Variants in CLIP4 observed in about 807,000 individuals in gnomAD.
CLIP4 encodes the protein CAP-Gly domain-containing linker protein 4.
A neutral mutation model predicts 73.1 loss-of-function variants in CLIP4; 47 were observed. The observed-to-expected ratio is 0.64, with a 90% confidence interval of 0.51 to 0.82. The LOEUF is 0.82. CLIP4 is among the 40% of genes least tolerant of loss of function. The pLI is 0.00. For missense variants in CLIP4, 874 were observed against 852.9 expected, an observed-to-expected ratio of 1.02 and a Z score of -0.31; for synonymous variants, 306 against 295.4, an observed-to-expected ratio of 1.04 and a Z score of -0.37.
At chr2:29,110,734 G>C (rs1054420173), upstream of CLIP4, among the ~76,000 whole-genome samples, 2 of 152,086 alleles carry the variant, frequency 1.3e-5, no homozygotes, top group Non-Finnish European at 2.9e-5. Flanking sequence ...TGTCCCCTAG[G>C]CTGGAGTGCA....
intron 6 of CLIP4, among the ~76,000 whole-genome samples, chr2:29,138,447 C>A (rs1455810104): frequency 6.8e-6 from 1 of 147,298 alleles, no homozygotes; most frequent in African/African-American, 2.5e-5. Flanking sequence ...ATGCCTCTGG[C>A]TTCTGTTCTT....
Position 29,167,379 on chromosome 2 carries a change from T to C in CLIP4, c.1659-97T>C, listed in dbSNP as rs535034811. 2.5e-3 allele frequency: 1,696 copies of C among 682,454 alleles called. 1 individual carries two copies. The highest frequency in any genetic ancestry group is 3.3e-3 in the Non-Finnish European group (1,371 of 419,656). The allele number at this position is 682,454 out of a possible 1,614,324, so 42.3% of individuals were successfully genotyped here. ...GGACCCTCCATAAATATTTGTCTGATGAATGACTACAATTGGTGTGAAAAA... is the reference window on the plus strand; with the variant it reads ...GGACCCTCCATAAATATTTGTCTGACGAATGACTACAATTGGTGTGAAAAA... On this transcript the variant is annotated intron_variant, in intron 13 of 15. Transcript: ENST00000320081.
chr2:29,116,329 C>T (rs188405133), intron 1 of CLIP4, among the ~76,000 whole-genome samples: 24 of 152,330 alleles, frequency 1.6e-4, no homozygotes, highest in Admixed American at 6.5e-4. Flanking sequence ...TGTGCTGAGA[C>T]AGTGTTTTGA....
chr2:29,099,225 T>C (rs771396037), intron 1 of CLIP4, among the ~76,000 whole-genome samples: 2 of 152,230 alleles, frequency 1.3e-5, no homozygotes, highest in Non-Finnish European at 2.9e-5. Context: ...TTGTCAGTTT[T>C]TTCTTTCATT....
At chr2:29,111,634 T>G (rs1668389053), upstream of CLIP4, among the ~76,000 whole-genome samples, 1 of 152,248 alleles carries the variant, frequency 6.6e-6, no homozygotes, top group Admixed American at 6.5e-5. Flanking sequence ...TATTTTATAT[T>G]GACTTCCTTT....
chr2:29,145,671 G>T (rs933825750), intron 8 of CLIP4, among the ~76,000 whole-genome samples: 1 of 152,086 alleles, frequency 6.6e-6, no homozygotes, highest in Non-Finnish European at 1.5e-5. Context: ...TAGATCAGGC[G>T]CAGCTTTCCA....
intron 2 of CLIP4, among the ~76,000 whole-genome samples, chr2:29,128,015 A>G (rs1664723502): frequency 6.6e-6 from 1 of 152,172 alleles, no homozygotes; most frequent in African/African-American, 2.4e-5. Context: ...CATTAATAAT[A>G]TAGTCATACA....
At chr2:29,140,475 A>G (rs1347647036) in intron 6 of CLIP4, among the ~76,000 whole-genome samples, 1 of 152,148 alleles carries the variant, frequency 6.6e-6, no homozygotes, top group East Asian at 1.9e-4. Flanking sequence ...AATCCAGTCT[A>G]TCATTGTCAG....
At chr2:29,164,011 AATAGAG>A in intron 13 of CLIP4, 57 bp downstream of exon 13, 2 of 1,399,258 alleles carry the variant, frequency 1.4e-6, no homozygotes, top group Non-Finnish European at 2.0e-6. Context: ...TGCAGTGGTT[AATAGAG>A]ACACTAATTT....
At chr2:29,165,092 T>G (rs1171911426) in intron 13 of CLIP4, among the ~76,000 whole-genome samples, 1 of 152,122 alleles carries the variant, frequency 6.6e-6, no homozygotes, top group Non-Finnish European at 1.5e-5. Flanking sequence ...TGTAAGTTAT[T>G]AGGATCATTC....
intron 14 of CLIP4, among the ~76,000 whole-genome samples, chr2:29,171,484 T>C (rs1667997554): frequency 2.0e-5 from 3 of 152,112 alleles, no homozygotes; most frequent in African/African-American, 2.4e-5. Flanking sequence ...TTCTTATGTT[T>C]TTAGAATATT....
intron 2 of CLIP4, among the ~76,000 whole-genome samples, chr2:29,126,043 C>T (rs769803861): frequency 1.4e-4 from 21 of 152,076 alleles, no homozygotes; most frequent in African/African-American, 1.9e-4. Context: ...TGTGTGGTGG[C>T]GTGCGCCTGT....
intron 3 of CLIP4, 42 bp downstream of exon 3, chr2:29,131,439 G>A: frequency 6.4e-7 from 1 of 1,553,230 alleles, no homozygotes; most frequent in East Asian, 2.3e-5. Context: ...TGTTAGGATT[G>A]TTAATGGTAT....
At chr2:29,130,535 G>A in intron 2 of CLIP4, 1 of 676,226 alleles carries the variant, frequency 1.5e-6, no homozygotes, top group Non-Finnish European at 2.0e-6. Context: ...TTGGAGAATA[G>A]GTCCTTACAG....
intron 13 of CLIP4, among the ~76,000 whole-genome samples, chr2:29,164,492 A>G (rs1573004602): frequency 6.6e-6 from 1 of 152,312 alleles, no homozygotes; most frequent in East Asian, 1.9e-4. Flanking sequence ...AGTATCTTTC[A>G]TACCACCTCA....
At position 29,159,529 on chromosome 2, in the gene CLIP4, C is replaced by T. The variant is rs570258095; in HGVS notation, c.1400-804C>T. Among the ~76,000 whole-genome samples, 9 of 151,938 alleles carry T rather than the reference C, an allele frequency of 5.9e-5. No individual in the cohort carries two copies. The South Asian group carries it at 6.3e-4, about 11-fold the overall frequency. On this transcript the variant is annotated intron_variant, in intron 11 of 15. Transcript: ENST00000320081. ...AAAATCACTTTAGGATAATTAGAAC[C>T]GTATAGCAATTTAACCTTCAAATCA...
chr2:29,173,292 C>G (rs567300975), intron 14 of CLIP4, among the ~76,000 whole-genome samples: 20 of 152,304 alleles, frequency 1.3e-4, no homozygotes, highest in Non-Finnish European at 2.1e-4. Flanking sequence ...AATTTTGTCT[C>G]CTACTGAGGA....
At chr2:29,128,194 T>G (rs1664740210) in intron 2 of CLIP4, among the ~76,000 whole-genome samples, 1 of 151,708 alleles carries the variant, frequency 6.6e-6, no homozygotes, top group Non-Finnish European at 1.5e-5. Flanking sequence ...TGTGTTTTTT[T>G]TTTTTTTTTT....
chr2:29,131,884 C>T (rs1203716655), intron 3 of CLIP4: 2 of 410,502 alleles, frequency 4.9e-6, no homozygotes, highest in Non-Finnish European at 8.6e-6. Flanking sequence ...AAATTTTGCT[C>T]ATTTTTGAGA....
Sources: gnomAD v4.1 joint callset for allele counts (sites outside exome capture counted in the v4.1 genomes callset) on GRCh38, gnomAD v4.1.1 for gene constraint, MANE v1.5 for transcripts, NCBI Gene and HGNC (gene_info 2026-07-23, HGNC 2026-07-21) for gene names.